The following DNAH7 variants were observed in gnomAD, a reference collection of about 807,000 sequenced individuals.
The protein encoded by DNAH7 is axonemal beta dynein heavy chain 7.
A neutral mutation model predicts 444.6 loss-of-function variants in DNAH7; 397 were observed. The ratio of observed to expected loss-of-function variants is 0.89; its 90% CI spans 0.82 to 0.97. The LOEUF (loss-of-function observed/expected upper bound fraction) is 0.97. Among genes scored for constraint, DNAH7 ranks in the 50% least tolerant of loss-of-function variants. DNAH7 has a pLI of 0.00. For synonymous variants in DNAH7, 1,636 were observed against 1,624.4 expected (o/e 1.01, Z -0.17); for missense variants, 4,902 against 4,800.8 (o/e 1.02, Z -0.62).
chr2:195,960,962 T>C lies in DNAH7; in HGVS notation c.2206-17A>G. Reference sequence around the variant, plus strand: ...CTGCTCAATCTGAAAGGATAAGTATTGAATATATTAGTTATTTTGAAAGTG... The same window carrying C: ...CTGCTCAATCTGAAAGGATAAGTATCGAATATATTAGTTATTTTGAAAGTG... On this transcript the variant is annotated splice_polypyrimidine_tract_variant and intron_variant, in intron 17 of 64. Transcript: ENST00000312428. The C allele has an allele frequency of 6.6e-7, 1 of 1,510,036 alleles. No homozygotes were observed. Among genetic ancestry groups the C allele is most frequent in the Non-Finnish European group, 8.9e-7 (1 of 1,129,244 alleles). The allele number at this position is 1,510,036 out of a possible 1,614,324, so 93.5% of individuals were successfully genotyped here.
rs775042866 is a variant in DNAH7, at chr2:195,987,919, G to C, written c.1626+38C>G. 6.5e-6 allele frequency: 10 copies of C among 1,535,024 alleles called. No individual in the cohort carries two copies. The East Asian group carries it at 2.3e-4, about 35-fold the overall frequency. ...TAATAAAACTGGGGAAAAGATACCA[G>C]ATAGAGATAACAGTTGCACAAAACT... On this transcript the variant is annotated intron_variant, in intron 13 of 64. Coordinates refer to ENST00000312428, the MANE Select transcript of DNAH7 (RefSeq NM_018897.3).
At chr2:195,798,065 G>A (rs892522313) in intron 55 of DNAH7, among the ~76,000 whole-genome samples, 2 of 152,190 alleles carry the variant, frequency 1.3e-5, no homozygotes, top group Non-Finnish European at 2.9e-5. Context: ...TAGGTTTTAG[G>A]AGCTGCTGCA....
chr2:195,808,470 G>T (rs1236225000), intron 53 of DNAH7, among the ~76,000 whole-genome samples: 2 of 152,132 alleles, frequency 1.3e-5, no homozygotes, highest in Non-Finnish European at 2.9e-5. Flanking sequence ...GAACCACACA[G>T]CATTCTTGCA....
At chr2:196,014,666 G>A (rs894100580) in intron 9 of DNAH7, among the ~76,000 whole-genome samples, 1 of 152,040 alleles carries the variant, frequency 6.6e-6, no homozygotes, top group African/African-American at 2.4e-5. Flanking sequence ...TTTGTTCTCT[G>A]GTTCTCAAAA....
chr2:195,852,749 C>G lies in DNAH7; in HGVS notation c.8781+594G>C, dbSNP rs1452515335. On this transcript the variant is annotated intron_variant, in intron 46 of 64. Coordinates refer to ENST00000312428, the MANE Select transcript of DNAH7 (RefSeq NM_018897.3). ...GAGAGGTGGGAGGCAAGGCAGGGAA[C>G]GTGGGGTTTGTTTTCTAAGGAACAA... 2.0e-5 allele frequency among the ~76,000 whole-genome samples: 3 copies of G among 152,226 alleles called. No homozygotes were observed. In the South Asian group the frequency reaches 6.2e-4, roughly 32 times the overall value.
chr2:195,972,551 T>C, intron 15 of DNAH7, 85 bp from the exon 16 acceptor site: 1 of 978,578 alleles, frequency 1.0e-6, no homozygotes. Context: ...TGTATAACTA[T>C]GCACAGACTT....
At chr2:195,922,656 C>T (rs565390510) in intron 23 of DNAH7, among the ~76,000 whole-genome samples, 13 of 152,186 alleles carry the variant, frequency 8.5e-5, no homozygotes, top group African/African-American at 2.9e-4. Context: ...TTCTCTCCTC[C>T]CACCCCATAC....
intron 15 of DNAH7, among the ~76,000 whole-genome samples, chr2:195,981,047 G>A (rs540753980): frequency 2.6e-5 from 4 of 152,158 alleles, no homozygotes; most frequent in African/African-American, 9.6e-5. Flanking sequence ...AGAAAGAAAA[G>A]TTAAATTATC....
At chr2:196,021,814 T>C (rs1695399488) in intron 8 of DNAH7, among the ~76,000 whole-genome samples, 1 of 150,466 alleles carries the variant, frequency 6.6e-6, no homozygotes. Context: ...AAAGAAACCC[T>C]ATCTCAAGAA....
At chr2:196,005,914 AACAC>A (rs3052597) in intron 10 of DNAH7, among the ~76,000 whole-genome samples, 2 of 149,998 alleles carry the variant, frequency 1.3e-5, no homozygotes, top group Non-Finnish European at 3.0e-5. Flanking sequence ...ACAAAGACAT[AACAC>A]ACACACACAC....
At chr2:195,946,353 A>G (rs1689803738) in intron 19 of DNAH7, among the ~76,000 whole-genome samples, 1 of 152,176 alleles carries the variant, frequency 6.6e-6, no homozygotes, top group Non-Finnish European at 1.5e-5. Context: ...AATATGGCAA[A>G]ATACAACATC....
intron 19 of DNAH7, among the ~76,000 whole-genome samples, chr2:195,950,868 A>ACAAAAAAAAAAC (rs1690193598): frequency 6.5e-5 from 9 of 138,152 alleles, no homozygotes; most frequent in African/African-American, 2.0e-4. Flanking sequence ...AAAAAAAAAA[A>ACAAAAAAAAAAC]AAAAAAAAAA....
rs114966684 is a variant in DNAH7 at position 195,854,128 on chromosome 2, A to T, written c.8596-600T>A. Among the ~76,000 whole-genome samples, 167 of 152,338 alleles carry T rather than the reference A, an allele frequency of 1.1e-3. 1 individual carries two copies. The highest frequency in any genetic ancestry group is 3.8e-3 in the African/African-American group (157 of 41,570). On this transcript the variant is annotated intron_variant, in intron 45 of 64. Transcript: ENST00000312428. ...ATATGTAATTAAGCAATATGATAACAAAAGAGAGATAATTACAAAGGTGGC... is the reference window on the plus strand; with the variant it reads ...ATATGTAATTAAGCAATATGATAACTAAAGAGAGATAATTACAAAGGTGGC...
intron 19 of DNAH7, among the ~76,000 whole-genome samples, chr2:195,953,047 G>T (rs1356116203): frequency 6.6e-6 from 1 of 152,112 alleles, no homozygotes; most frequent in East Asian, 1.9e-4. Context: ...TTTTTGCCTG[G>T]TTTTTCCTCA....
chr2:195,949,075 C>T (rs145301606), intron 19 of DNAH7, among the ~76,000 whole-genome samples: 2,567 of 152,202 alleles, frequency 0.017, 65 homozygotes, highest in African/African-American at 0.058. Flanking sequence ...GGAGTTCGCT[C>T]ATGATTTGGC....
At chr2:195,912,237 G>A (rs1447636093) in intron 24 of DNAH7, among the ~76,000 whole-genome samples, 1 of 152,098 alleles carries the variant, frequency 6.6e-6, no homozygotes, top group East Asian at 1.9e-4. Context: ...GCTAACAGAG[G>A]GGCCTTTGAG....
intron 21 of DNAH7, among the ~76,000 whole-genome samples, chr2:195,930,155 C>A (rs1688596485): frequency 6.6e-6 from 1 of 152,064 alleles, no homozygotes; most frequent in Non-Finnish European, 1.5e-5. Context: ...CCATCCTGGT[C>A]AACACGATGA....
At chr2:196,012,946 T>C in intron 9 of DNAH7, 40 bp from the exon 10 acceptor site, 1 of 1,361,050 alleles carries the variant, frequency 7.3e-7, no homozygotes, top group Non-Finnish European at 9.7e-7. Flanking sequence ...AACAATGACT[T>C]TTTTGGTATT....
intron 63 of DNAH7, among the ~76,000 whole-genome samples, chr2:195,745,706 T>C (rs572638116): frequency 2.0e-4 from 30 of 152,102 alleles, no homozygotes; most frequent in African/African-American, 7.0e-4. Context: ...ATATTCAACA[T>C]TCTTAAAGAA....
Sources: allele counts gnomAD v4.1 joint callset (sites outside exome capture counted in the v4.1 genomes callset), GRCh38; gene constraint gnomAD v4.1.1; transcripts MANE v1.5; gene names NCBI Gene and HGNC (gene_info 2026-07-23, HGNC 2026-07-21).